Variants in KRTAP5-11 observed in about 807,000 individuals in gnomAD.
KRTAP5-11 encodes the protein keratin associated protein 5-11, also known as keratin-associated protein 5-11.
For synonymous variants in KRTAP5-11, 88 were observed against 73.0 expected, an observed-to-expected ratio of 1.21 and a Z score of -1.05; for missense variants, 202 against 188.7, an observed-to-expected ratio of 1.07 and a Z score of -0.41.
chr11:71,582,174 C>G lies in KRTAP5-11; in HGVS notation c.*193G>C. The stretch of plus-strand genomic sequence containing the variant: ...GAACACCTCCTGCATCAAGGAAACA[C>G]ATGTTTCCGGAGTGAGGAAGCTGAA... On this transcript the variant is annotated 3_prime_UTR_variant, in exon 1 of 1. Transcript: ENST00000398530. 1 of 1,213,650 alleles carries G rather than the reference C, an allele frequency of 8.2e-7. No individual in the cohort carries two copies. 75.2% of individuals were successfully genotyped at this position (1,213,650 alleles called of 1,614,324 possible). A position where few individuals can be genotyped will look rare whatever the true frequency, so the allele number is the denominator to read the frequency against.
In KRTAP5-11 at chr11:71,582,803, G is replaced by A; in HGVS notation, c.35C>T (p.Ser12Phe). The part of the protein sequence containing the change: ...GCCGCSGGCG[S>F]GCGGCGSGSG... Reference sequence around the variant, plus strand: ...GCCGGAGCCACAGCCCCCACAGCCAGAGCCACAGCCTCCAGAACAGCCACA... The same window carrying A: ...GCCGGAGCCACAGCCCCCACAGCCAAAGCCACAGCCTCCAGAACAGCCACA... Residue 12 changes from serine (S) to phenylalanine (F), a missense_variant, in exon 1 of 1, where the codon TCT (serine) becomes TTT (phenylalanine). Physicochemically the swap from Ser to Phe is radical, Grantham distance 155. Transcript: ENST00000398530. 6.2e-7 allele frequency: 1 copy of A among 1,612,544 alleles called. No homozygotes were observed. Among genetic ancestry groups the A allele is most frequent in the Non-Finnish European group, 8.5e-7 (1 of 1,179,290 alleles).
chr11:71,582,373 C>G lies in KRTAP5-11; in HGVS notation c.465G>C (p.Lys155Asn). Residue 155 changes from lysine (K) to asparagine (N), a missense_variant, in exon 1 of 1, where the codon AAG becomes AAC. Lys to Asn is a moderately conservative substitution (Grantham distance 94). Transcript: ENST00000398530. ...SCCVPVCCQCKI is the reference protein window; with the variant it reads ...SCCVPVCCQCNI The stretch of plus-strand genomic sequence containing the variant: ...AAGGTCTGGGTCCAGAGCCTCAGAT[C>G]TTACACTGGCAGCACACGGGGACAC... 1.2e-6 allele frequency: 2 copies of G among 1,614,244 alleles called. No homozygotes were observed. The highest frequency in any genetic ancestry group is 1.7e-6 in the Non-Finnish European group (2 of 1,180,048).
In KRTAP5-11 at chr11:71,582,149, G is replaced by A; in HGVS notation, c.*218C>T. ...AGGGAACACCATGGCGTCCAGGGAA[G>A]AACACCTCCTGCATCAAGGAAACAC... On this transcript the variant is annotated 3_prime_UTR_variant, in exon 1 of 1. Transcript: ENST00000398530. 3 of 998,704 alleles carry A rather than the reference G, an allele frequency of 3.0e-6. No homozygotes were observed. The Admixed American group carries it at 8.6e-5, about 29-fold the overall frequency. 61.9% of individuals were successfully genotyped at this position (998,704 alleles called of 1,614,324 possible).
Position 71,582,846 on chromosome 11 carries a change from C to T in KRTAP5-11, c.-9G>A, listed in dbSNP as rs75907819. On this transcript the variant is annotated 5_prime_UTR_variant, in exon 1 of 1. Transcript: ENST00000398530. ...CAGCCACAGCAGCCCATGATTCTGG[C>T]GGATTGAGAGTAGAGCAGGTAGAGG... 1.9e-4 allele frequency: 303 copies of T among 1,613,812 alleles called. No individual in the cohort carries two copies. Among genetic ancestry groups the T allele is most frequent in the Middle Eastern group, 1.5e-3 (9 of 5,902 alleles).
In KRTAP5-11 at chr11:71,582,675, A is replaced by G. The variant is rs1950276379; in HGVS notation, c.163T>C (p.Ser55Pro). The G allele has an allele frequency of 3.1e-6, 5 of 1,613,754 alleles. No homozygotes were observed. The highest frequency in any genetic ancestry group is 4.2e-6 in the Non-Finnish European group (5 of 1,179,986). ...VCCCVPACSC[S>P]SCGSCGGSKG... is the part of the protein sequence containing the mutation. Reference sequence around the variant, plus strand: ...GAGCCCCCACAGGAGCCACAGCTGGAGCAGGAACAGGCTGGCACACAGCAG... The same window carrying G: ...GAGCCCCCACAGGAGCCACAGCTGGGGCAGGAACAGGCTGGCACACAGCAG... Residue 55 changes from serine (S) to proline (P), a missense_variant, in exon 1 of 1, where the codon TCC becomes CCC. Ser to Pro is a moderately conservative substitution (Grantham distance 74, BLOSUM62 -1). Transcript: ENST00000398530.
rs1950277748 is a variant in KRTAP5-11 at position 71,582,809 on chromosome 11, CA to C, written c.28del (p.Cys10ValfsTer161). On this transcript the variant is annotated frameshift_variant, in exon 1 of 1. Coordinates refer to ENST00000398530, the MANE Select transcript of KRTAP5-11 (RefSeq NM_001005405.3). LOFTEE classifies it low-confidence loss of function (END_TRUNC). MGCCGCSGGCGSGCGGCGSG... is the reference protein window; with the variant it reads MGCCGCSGGXGSGCGGCGSG... ...GCCACAGCCCCCACAGCCAGAGCCA[CA>C]GCCTCCAGAACAGCCACAGCAGCCC... The C allele has an allele frequency of 6.2e-7, 1 of 1,610,566 alleles. No individual in the cohort carries two copies. The highest frequency in any genetic ancestry group is 8.5e-7 in the Non-Finnish European group (1 of 1,179,308).
Position 71,582,019 on chromosome 11 carries a change from C to G in KRTAP5-11, c.*348G>C. 1 of 376,466 alleles carries G rather than the reference C, an allele frequency of 2.7e-6. No individual in the cohort carries two copies. Among genetic ancestry groups the G allele is most frequent in the Admixed American group, 4.2e-5 (1 of 23,716 alleles). The allele number at this position is 376,466 out of a possible 1,614,324, so 23.3% of individuals were successfully genotyped here. On this transcript the variant is annotated 3_prime_UTR_variant, in exon 1 of 1. Coordinates refer to ENST00000398530, the MANE Select transcript of KRTAP5-11 (RefSeq NM_001005405.3). ...CAGAATCCCAGTGGTGGTTGAGAAA[C>G]TGGTTCTTAGTGATCACTCAGGAAT... is the stretch of plus-strand genomic sequence containing the variant.
chr11:71,582,285 T>C lies in KRTAP5-11; in HGVS notation c.*82A>G. 6.2e-7 allele frequency: 1 copy of C among 1,601,162 alleles called. No individual in the cohort carries two copies. The highest frequency in any genetic ancestry group is 8.5e-7 in the Non-Finnish European group (1 of 1,172,236). ...AGCAGGTGCAGGTGCCTCAGGATGA[T>C]GTGTGGGATGAACTGATTCAGAGAA... On this transcript the variant is annotated 3_prime_UTR_variant, in exon 1 of 1. Transcript: ENST00000398530.
At position 71,582,260 on chromosome 11, in the gene KRTAP5-11, A is replaced by AGCAGGT; in HGVS notation, c.*101_*106dup. On this transcript the variant is annotated 3_prime_UTR_variant, in exon 1 of 1. Coordinates refer to ENST00000398530, the MANE Select transcript of KRTAP5-11 (RefSeq NM_001005405.3). Reference sequence around the variant, plus strand: ...GGTGCATGCATGGATGATGAGCTAGAGCAGGTGCAGGTGCCTCAGGATGAT... The same window carrying AGCAGGT: ...GGTGCATGCATGGATGATGAGCTAGAGCAGGTGCAGGTGCAGGTGCCTCAGGATGAT... 1.9e-6 allele frequency: 3 copies of AGCAGGT among 1,583,852 alleles called. No homozygotes were observed. The highest frequency in any genetic ancestry group is 2.6e-6 in the Non-Finnish European group (3 of 1,163,936).
In KRTAP5-11 at chr11:71,582,315, T is replaced by A. The variant is rs547022272; in HGVS notation, c.*52A>T. On this transcript the variant is annotated 3_prime_UTR_variant, in exon 1 of 1. Coordinates refer to ENST00000398530, the MANE Select transcript of KRTAP5-11 (RefSeq NM_001005405.3). The stretch of plus-strand genomic sequence containing the variant: ...GGGATGAACTGATTCAGAGAAACCA[T>A]AAGAAATGCTTTCACCAAAGAGGAG... 419 of 1,612,568 alleles carry A rather than the reference T, an allele frequency of 2.6e-4. 1 individual carries two copies. Among genetic ancestry groups the A allele is most frequent in the Admixed American group, 1.5e-3 (88 of 59,952 alleles).
chr11:71,582,425 T>G lies in KRTAP5-11; in HGVS notation c.413A>C (p.Lys138Thr). The G allele has an allele frequency of 3.1e-6, 5 of 1,613,980 alleles. No homozygotes were observed. Among genetic ancestry groups the G allele is most frequent in the Non-Finnish European group, 4.2e-6 (5 of 1,179,970 alleles). ...QSSCCQSSCF[K>T]PCCCQSSCCV... The stretch of plus-strand genomic sequence containing the variant: ...GCAGCTGGACTGGCAGCAGCAGGGC[T>G]TGAAGCAGCTAGACTGGCAGCAGCT... The change falls in exon 1 of 1, where the codon AAG (lysine) becomes ACG (threonine). Residue 138 changes from lysine to threonine, a missense_variant. By Grantham distance (78) the Lys-to-Thr change is moderately conservative. Coordinates refer to ENST00000398530, the MANE Select transcript of KRTAP5-11 (RefSeq NM_001005405.3).
In KRTAP5-11 at chr11:71,582,379, C is replaced by G. The variant is rs777017633; in HGVS notation, c.459G>C (p.Gln153His). ...QSSCCVPVCC[Q>H]CKI is the part of the protein sequence containing the mutation. ...TGGGTCCAGAGCCTCAGATCTTACACTGGCAGCACACGGGGACACAGCAGC... is the reference window on the plus strand; with the variant it reads ...TGGGTCCAGAGCCTCAGATCTTACAGTGGCAGCACACGGGGACACAGCAGC... The change falls in exon 1 of 1, where the codon CAG (glutamine) becomes CAC (histidine). Residue 153 changes from glutamine (Q) to histidine (H), a missense_variant. Gln to His is a conservative substitution (Grantham distance 24). Transcript: ENST00000398530. 2 of 1,614,240 alleles carry G rather than the reference C, an allele frequency of 1.2e-6. No homozygotes were observed. The highest frequency in any genetic ancestry group is 2.2e-5 in the South Asian group (2 of 91,086).
Position 71,582,801 on chromosome 11 carries a change from C to G in KRTAP5-11, c.37G>C (p.Gly13Arg). 6.2e-7 allele frequency: 1 copy of G among 1,601,354 alleles called. No homozygotes were observed. Among genetic ancestry groups the G allele is most frequent in the East Asian group, 2.2e-5 (1 of 44,786 alleles). ...CTGCCGGAGCCACAGCCCCCACAGC[C>G]AGAGCCACAGCCTCCAGAACAGCCA... ...CCGCSGGCGS[G>R]CGGCGSGSGG... Residue 13 changes from glycine to arginine, a missense_variant, in exon 1 of 1, where the codon GGC (glycine) becomes CGC (arginine). Transcript: ENST00000398530.
In KRTAP5-11 at chr11:71,582,137, G is replaced by A. The variant is rs1249647640; in HGVS notation, c.*230C>T. ...ACACCCAAGTGCAGGGAACACCATG[G>A]CGTCCAGGGAAGAACACCTCCTGCA... On this transcript the variant is annotated 3_prime_UTR_variant, in exon 1 of 1. Transcript: ENST00000398530. 4.6e-6 allele frequency: 4 copies of A among 875,076 alleles called. No homozygotes were observed. Among genetic ancestry groups the A allele is most frequent in the Non-Finnish European group, 6.9e-6 (4 of 578,276 alleles). 54.2% of individuals were successfully genotyped at this position (875,076 alleles called of 1,614,324 possible).
rs781062395 is a variant in KRTAP5-11, at chr11:71,582,344, C to T, written c.*23G>A. 1.9e-6 allele frequency: 3 copies of T among 1,614,140 alleles called. No individual in the cohort carries two copies. In the East Asian group the frequency reaches 6.7e-5, roughly 36 times the overall value. On this transcript the variant is annotated 3_prime_UTR_variant, in exon 1 of 1. Coordinates refer to ENST00000398530, the MANE Select transcript of KRTAP5-11 (RefSeq NM_001005405.3). ...AAATGCTTTCACCAAAGAGGAGAAA[C>T]CTGAAGGTCTGGGTCCAGAGCCTCA... is the stretch of plus-strand genomic sequence containing the variant.
chr11:71,582,410 T>A lies in KRTAP5-11; in HGVS notation c.428A>T (p.Gln143Leu). 1 of 1,614,114 alleles carries A rather than the reference T, an allele frequency of 6.2e-7. No homozygotes were observed. Among genetic ancestry groups the A allele is most frequent in the Non-Finnish European group, 8.5e-7 (1 of 1,180,016 alleles). Residue 143 changes from glutamine to leucine, a missense_variant, in exon 1 of 1, where the codon CAG (glutamine) becomes CTG (leucine). By Grantham distance (113) the Gln-to-Leu change is moderately radical. Transcript: ENST00000398530. ...GCACACGGGGACACAGCAGCTGGAC[T>A]GGCAGCAGCAGGGCTTGAAGCAGCT... ...QSSCFKPCCC[Q>L]SSCCVPVCCQ...
Position 71,582,659 on chromosome 11 carries a change from C to G in KRTAP5-11, c.179G>C (p.Cys60Ser), listed in dbSNP as rs1229661192. The G allele has an allele frequency of 5.0e-6, 8 of 1,613,968 alleles. No homozygotes were observed. In the African/African-American group the frequency reaches 6.7e-5, roughly 13 times the overall value. ...PACSCSSCGS[C>S]GGSKGGCGSC... ...GCCACAGCCCCCTTTGGAGCCCCCA[C>G]AGGAGCCACAGCTGGAGCAGGAACA... The change falls in exon 1 of 1, where the codon TGT becomes TCT. Residue 60 changes from cysteine to serine, a missense_variant. Coordinates refer to ENST00000398530, the MANE Select transcript of KRTAP5-11 (RefSeq NM_001005405.3).
Position 71,582,659 on chromosome 11 carries a change from C to A in KRTAP5-11, c.179G>T (p.Cys60Phe). 23 of 1,614,086 alleles carry A rather than the reference C, an allele frequency of 1.4e-5. No individual in the cohort carries two copies. The highest frequency in any genetic ancestry group is 1.9e-5 in the Non-Finnish European group (23 of 1,180,024). ...PACSCSSCGS[C>F]GGSKGGCGSC... Reference sequence around the variant, plus strand: ...GCCACAGCCCCCTTTGGAGCCCCCACAGGAGCCACAGCTGGAGCAGGAACA... The same window carrying A: ...GCCACAGCCCCCTTTGGAGCCCCCAAAGGAGCCACAGCTGGAGCAGGAACA... Residue 60 changes from cysteine (C) to phenylalanine (F), a missense_variant, in exon 1 of 1, where the codon TGT becomes TTT. By Grantham distance (205) the Cys-to-Phe change is radical (BLOSUM62 -2). Transcript: ENST00000398530.
chr11:71,582,226 A>G lies in KRTAP5-11; in HGVS notation c.*141T>C. The G allele has an allele frequency of 3.9e-6, 6 of 1,537,990 alleles. No homozygotes were observed. Among genetic ancestry groups the G allele is most frequent in the Non-Finnish European group, 4.4e-6 (5 of 1,136,696 alleles). The stretch of plus-strand genomic sequence containing the variant: ...GCAGGGCCTAGAGGAGAGCCGAGCC[A>G]TGGAAAGAGGTGCATGCATGGATGA... On this transcript the variant is annotated 3_prime_UTR_variant, in exon 1 of 1. Transcript: ENST00000398530.
Sources: allele counts gnomAD v4.1 joint callset, GRCh38; gene constraint gnomAD v4.1.1; transcripts MANE v1.5; gene names NCBI Gene and HGNC (gene_info 2026-07-23, HGNC 2026-07-21).